CENPF: variants seen among roughly 807,000 people sequenced by gnomAD.
The protein encoded by CENPF is centromere protein F.
A neutral mutation model predicts 307.3 loss-of-function variants in CENPF; 214 were observed. That is an observed-to-expected ratio of 0.70 (90% CI 0.62 to 0.78). The LOEUF is 0.78. Ranked by LOEUF, CENPF falls within the 30% of genes least tolerant of loss-of-function variation. The pLI, the probability that CENPF is intolerant of heterozygous loss-of-function variation, is 0.00. For missense variants in CENPF, 3,401 were observed against 3,483.9 expected (o/e 0.98, Z 0.60); for synonymous variants, 1,259 against 1,270.6 (o/e 0.99, Z 0.19).
chr1:214,606,115 G>A, intron 1 of CENPF: 1 of 1,560,454 alleles, frequency 6.4e-7, no homozygotes, highest in South Asian at 1.2e-5. Flanking sequence ...CGCGGCCTCC[G>A]ACGCGCGCGC....
rs756465146 is a variant in CENPF at position 214,640,023 on chromosome 1, A to G, written c.1685A>G (p.Asp562Gly). Residue 562 changes from aspartate to glycine, a missense_variant, in exon 12 of 20, where the codon GAT (aspartate) becomes GGT (glycine). Coordinates refer to ENST00000366955, the MANE Select transcript of CENPF (RefSeq NM_016343.4). ...TLEKLKLAVA[D>G]LEKQRDCSQD... ...GAAAAACTGAAGCTTGCTGTGGCTG[A>G]TCTGGAAAAGCAGCGAGATTGTTCT... 6.3e-7 allele frequency: 1 copy of G among 1,599,258 alleles called. No homozygotes were observed. Among genetic ancestry groups the G allele is most frequent in the Non-Finnish European group, 8.5e-7 (1 of 1,176,582 alleles).
chr1:214,628,756 CTGA>C (rs1380351125), intron 7 of CENPF, among the ~76,000 whole-genome samples: 1 of 152,220 alleles, frequency 6.6e-6, no homozygotes, highest in African/African-American at 2.4e-5. Context: ...TGGGCACCCT[CTGA>C]TGATTTTACA....
In CENPF at chr1:214,622,194, G is replaced by A; in HGVS notation, c.981G>A (p.Val327=). ...ELQLQLEKAK[V]ELIEKEKVLN... is the part of the protein sequence containing the mutation. The stretch of plus-strand genomic sequence containing the variant: ...AACTCCAACTGGAGAAAGCAAAAGT[G>A]GAATTAATTGAAAAAGAGAAAGTTT... The change falls in exon 7 of 20, where the codon GTG becomes GTA. Residue 327 remains valine, a synonymous_variant. Transcript: ENST00000366955. The A allele has an allele frequency of 6.2e-7, 1 of 1,613,944 alleles. No individual in the cohort carries two copies. Among genetic ancestry groups the A allele is most frequent in the Non-Finnish European group, 8.5e-7 (1 of 1,179,938 alleles).
In CENPF at chr1:214,647,254, A is replaced by G. The variant is rs762207108; in HGVS notation, c.7684A>G (p.Thr2562Ala). Residue 2562 changes from threonine to alanine, a missense_variant, in exon 13 of 20, where the codon ACA becomes GCA. Transcript: ENST00000366955. ...GCAAAACTTAGAACTGAGAAATCTG[A>G]CAGTGGAATTGGAGCAGAAGATCCA... ...KEQNLELRNLTVELEQKIQVL... is the reference protein window; with the variant it reads ...KEQNLELRNLAVELEQKIQVL... 3.1e-6 allele frequency: 5 copies of G among 1,614,002 alleles called. No homozygotes were observed. The highest frequency in any genetic ancestry group is 2.2e-5 in the South Asian group (2 of 91,078).
chr1:214,646,214 T>C lies in CENPF; in HGVS notation c.6644T>C (p.Leu2215Pro). ...ACGTTAAGGTCTGAAAAAGAAAATC[T>C]GACAAAACAAATACAAGAAAAACAA... Reference protein sequence around the residue: ...LVTLRSEKENLTKQIQEKQGQ... With the variant: ...LVTLRSEKENPTKQIQEKQGQ... Residue 2215 changes from leucine to proline, a missense_variant, in exon 13 of 20, where the codon CTG becomes CCG. Transcript: ENST00000366955. 1 of 1,613,292 alleles carries C rather than the reference T, an allele frequency of 6.2e-7. No homozygotes were observed. The highest frequency in any genetic ancestry group is 8.5e-7 in the Non-Finnish European group (1 of 1,179,868).
At position 214,640,571 on chromosome 1, in the gene CENPF, G is replaced by T; in HGVS notation, c.2233G>T (p.Glu745Ter). 2 of 1,614,056 alleles carry T rather than the reference G, an allele frequency of 1.2e-6. No homozygotes were observed. Among genetic ancestry groups the T allele is most frequent in the Non-Finnish European group, 1.7e-6 (2 of 1,179,942 alleles). ...LEHKLQLLSNEIMDKDRCYQD... is the reference protein window; with the variant it reads ...LEHKLQLLSN The stretch of plus-strand genomic sequence containing the variant: ...ACACAAGCTTCAGTTACTGTCAAAT[G>T]AAATAATGGACAAAGACCGGTGTTA... Residue 745 changes from glutamate (E) to a stop codon, truncating the protein, a stop_gained, in exon 12 of 20, where the codon GAA becomes TAA. Coordinates refer to ENST00000366955, the MANE Select transcript of CENPF (RefSeq NM_016343.4). LOFTEE classifies it high-confidence loss of function.
rs1658465627 is a variant in CENPF at position 214,651,720 on chromosome 1, A to G, written c.7994A>G (p.Lys2665Arg). 16 of 1,583,230 alleles carry G rather than the reference A, an allele frequency of 1.0e-5. No homozygotes were observed. Among genetic ancestry groups the G allele is most frequent in the Non-Finnish European group, 1.3e-5 (15 of 1,171,256 alleles). The change falls in exon 15 of 20, where the codon AAG becomes AGG. Residue 2665 changes from lysine to arginine, a missense_variant. Lys to Arg is a conservative substitution (Grantham distance 26). Coordinates refer to ENST00000366955, the MANE Select transcript of CENPF (RefSeq NM_016343.4). The stretch of plus-strand genomic sequence containing the variant: ...TATTTTTCTGTTTAGGATCAATTGA[A>G]GGAGCTCACACTAGAAAATAGTGAA... ...EEIKSSKDQL[K>R]ELTLENSELK...
At chr1:214,612,962 C>G in intron 1 of CENPF, 1 of 241,208 alleles carries the variant, frequency 4.1e-6, no homozygotes, top group Non-Finnish European at 8.3e-6. Context: ...TTTTGATTAA[C>G]TGCTGTAACC....
chr1:214,622,201 A>G lies in CENPF; in HGVS notation c.988A>G (p.Ile330Val), dbSNP rs370955098. The change falls in exon 7 of 20, where the codon ATT becomes GTT. Residue 330 changes from isoleucine to valine, a missense_variant. Transcript: ENST00000366955. ...LQLEKAKVELIEKEKVLNKCR... is the reference protein window; with the variant it reads ...LQLEKAKVELVEKEKVLNKCR... ...ACTGGAGAAAGCAAAAGTGGAATTA[A>G]TTGAAAAAGAGAAAGTTTTGAACAA... 2 of 1,614,128 alleles carry G rather than the reference A, an allele frequency of 1.2e-6. No homozygotes were observed. The highest frequency in any genetic ancestry group is 1.1e-5 in the South Asian group (1 of 91,080).
In CENPF at chr1:214,657,035, A is replaced by G. The variant is rs933388958; in HGVS notation, c.8588A>G (p.Lys2863Arg). 2 of 1,614,130 alleles carry G rather than the reference A, an allele frequency of 1.2e-6. No homozygotes were observed. The highest frequency in any genetic ancestry group is 1.7e-6 in the Non-Finnish European group (2 of 1,179,986). ...AAGGAGGCAGATGAATACTTGGATA[A>G]GTACTGTTCCTTGCTTATAAGCCAT... Reference protein sequence around the residue: ...KTKEADEYLDKYCSLLISHEK... With the variant: ...KTKEADEYLDRYCSLLISHEK... The change falls in exon 18 of 20, where the codon AAG (lysine) becomes AGG (arginine). Residue 2863 changes from lysine (K) to arginine (R), a missense_variant. Physicochemically the swap from Lys to Arg is conservative, Grantham distance 26. Coordinates refer to ENST00000366955, the MANE Select transcript of CENPF (RefSeq NM_016343.4).
chr1:214,640,060 G>A lies in CENPF; in HGVS notation c.1722G>A (p.Leu574=). 6.2e-7 allele frequency: 1 copy of A among 1,601,970 alleles called. No homozygotes were observed. Among genetic ancestry groups the A allele is most frequent in the South Asian group, 1.1e-5 (1 of 87,452 alleles). The change falls in exon 12 of 20, where the codon TTG becomes TTA. Residue 574 remains leucine, a synonymous_variant. Coordinates refer to ENST00000366955, the MANE Select transcript of CENPF (RefSeq NM_016343.4). ...AGCGAGATTGTTCTCAAGACCTTTT[G>A]AAGAAAAGAGAACATCACATTGAAC... The part of the protein sequence containing the change: ...EKQRDCSQDL[L]KKREHHIEQL...
intron 17 of CENPF, among the ~76,000 whole-genome samples, chr1:214,655,825 A>G (rs529476090): frequency 6.6e-6 from 1 of 152,320 alleles, no homozygotes; most frequent in Admixed American, 6.5e-5. Flanking sequence ...TTGTGGGCTC[A>G]AGCAATCTGC....
rs972687683 is a variant in CENPF, at chr1:214,642,047, G to A, written c.3709G>A (p.Glu1237Lys). The A allele has an allele frequency of 6.2e-7, 1 of 1,610,254 alleles. No individual in the cohort carries two copies. The highest frequency in any genetic ancestry group is 1.3e-5 in the African/African-American group (1 of 74,674). ...GAAGGAGAAGGAGTGCCTGCAGCAT[G>A]AATTACAGACAATTAGAGGAGATCT... ...SEKEKECLQH[E>K]LQTIRGDLET... The change falls in exon 12 of 20, where the codon GAA becomes AAA. Residue 1237 changes from glutamate (E) to lysine (K), a missense_variant. By Grantham distance (56) the Glu-to-Lys change is moderately conservative. Transcript: ENST00000366955.
At chr1:214,639,384 T>G (rs941644155) in intron 11 of CENPF, among the ~76,000 whole-genome samples, 13 of 152,188 alleles carry the variant, frequency 8.5e-5, no homozygotes, top group African/African-American at 3.1e-4. Flanking sequence ...CATATAGGCC[T>G]TGAGAATTAC....
rs1656930065 is a variant in CENPF, at chr1:214,603,227, G to A, written c.-136G>A. On this transcript the variant is annotated 5_prime_UTR_variant, in exon 1 of 20. Coordinates refer to ENST00000366955, the MANE Select transcript of CENPF (RefSeq NM_016343.4). Reference sequence around the variant, plus strand: ...GGCGAATTGGGCACCGGTGGCGGCTGCGGGCAGTTTGAATTAGACTCTGGG... The same window carrying A: ...GGCGAATTGGGCACCGGTGGCGGCTACGGGCAGTTTGAATTAGACTCTGGG... 6.6e-6 allele frequency: 1 copy of A among 152,656 alleles called. No homozygotes were observed. Among genetic ancestry groups the A allele is most frequent in the African/African-American group, 2.4e-5 (1 of 41,486 alleles). 9.5% of individuals were successfully genotyped at this position (152,656 alleles called of 1,614,324 possible).
intron 3 of CENPF, among the ~76,000 whole-genome samples, chr1:214,615,380 G>C (rs999675267): frequency 6.6e-6 from 1 of 152,092 alleles, no homozygotes; most frequent in Admixed American, 6.5e-5. Flanking sequence ...CAAATTGATA[G>C]TATGATAATA....
intron 16 of CENPF, 114 bp downstream of exon 16, chr1:214,653,103 C>T (rs751405769): frequency 1.0e-6 from 1 of 981,504 alleles, no homozygotes; most frequent in African/African-American, 1.6e-5. Flanking sequence ...TTTTGGTAGT[C>T]AAAAATGATG....
chr1:214,642,207 A>T lies in CENPF; in HGVS notation c.3869A>T (p.Gln1290Leu). ...AGTCAAAACGACAATGCACACCTTCAGTGCTCTCTGCAAACAACAATGAAC... is the reference window on the plus strand; with the variant it reads ...AGTCAAAACGACAATGCACACCTTCTGTGCTCTCTGCAAACAACAATGAAC... ...STSQNDNAHL[Q>L]CSLQTTMNKL... Residue 1290 changes from glutamine (Q) to leucine (L), a missense_variant, in exon 12 of 20, where the codon CAG becomes CTG. Transcript: ENST00000366955. The T allele has an allele frequency of 6.2e-7, 1 of 1,614,178 alleles. No homozygotes were observed. Among genetic ancestry groups the T allele is most frequent in the African/African-American group, 1.3e-5 (1 of 75,066 alleles).
chr1:214,626,370 G>A (rs1657655799), intron 7 of CENPF, among the ~76,000 whole-genome samples: 1 of 152,066 alleles, frequency 6.6e-6, no homozygotes, highest in South Asian at 2.1e-4. Flanking sequence ...CTAGTTAGGA[G>A]GAATAGGGAA....
Sources: gnomAD v4.1 joint callset for allele counts (sites outside exome capture counted in the v4.1 genomes callset) on GRCh38, gnomAD v4.1.1 for gene constraint, MANE v1.5 for transcripts, NCBI Gene and HGNC (gene_info 2026-07-23, HGNC 2026-07-21) for gene names.